The following CD36 variants were observed in gnomAD, a reference collection of about 807,000 sequenced individuals.
CD36 encodes CD36 molecule (CD36 blood group), also known as platelet glycoprotein 4.
A neutral mutation model predicts 55.2 loss-of-function variants in CD36; 119 were observed. The ratio of observed to expected loss-of-function variants is 2.15; its 90% CI spans 1.86 to 2.51. CD36 has a LOEUF of 2.51. CD36 is among the 30% of genes most tolerant of loss of function. The pLI, the probability that CD36 is intolerant of heterozygous loss-of-function variation, is 0.00. For synonymous variants in CD36, 186 were observed against 193.6 expected (o/e 0.96, Z 0.33); for missense variants, 819 against 555.5 (o/e 1.47, Z -4.77).
At chr7:80,642,831 T>A (rs1215713236) in intron 1 of CD36, among the ~76,000 whole-genome samples, 1 of 152,168 alleles carries the variant, frequency 6.6e-6, no homozygotes, top group Non-Finnish European at 1.5e-5. Flanking sequence ...TTAATACTTG[T>A]AATTTTGCTT....
rs1798051324 is a variant in CD36, at chr7:80,674,294, C to T, written c.*147C>T. ...TCATTTTTAAATATAGGTAAATAAA[C>T]CTATAAATATTATCACGCAGATCAC... is the stretch of plus-strand genomic sequence containing the variant. On this transcript the variant is annotated intron_variant, in intron 14 of 14. Transcript: ENST00000447544. The T allele has an allele frequency of 6.5e-6, 4 of 619,638 alleles. No homozygotes were observed. In the East Asian group the frequency reaches 1.1e-4, roughly 17 times the overall value. 38.4% of individuals were successfully genotyped at this position (619,638 alleles called of 1,614,324 possible). A position where few individuals can be genotyped will look rare whatever the true frequency, so the allele number is the denominator to read the frequency against.
chr7:80,661,926 G>A (rs763577056), intron 5 of CD36, among the ~76,000 whole-genome samples: 2 of 152,134 alleles, frequency 1.3e-5, no homozygotes, highest in Admixed American at 6.6e-5. Context: ...CCAACAGGGG[G>A]TGCCGTCCAA....
chr7:80,619,862 A>C (rs1793364257), intron 1 of CD36, among the ~76,000 whole-genome samples: 3 of 152,166 alleles, frequency 2.0e-5, no homozygotes, highest in Admixed American at 6.5e-5. Context: ...GAGGGTTACA[A>C]GACTTCAGAG....
intron 1 of CD36, among the ~76,000 whole-genome samples, chr7:80,606,464 A>G (rs146472015): frequency 3.7e-4 from 57 of 152,316 alleles, no homozygotes; most frequent in East Asian, 3.7e-3. Flanking sequence ...ATATAAACTC[A>G]CAGATGCTGA....
chr7:80,667,283 A>G (rs557559015), intron 8 of CD36, among the ~76,000 whole-genome samples: 42 of 152,204 alleles, frequency 2.8e-4, no homozygotes, highest in African/African-American at 9.9e-4. Context: ...TACAAATATT[A>G]GCTGGGTGTG....
At chr7:80,674,370 A>G in intron 14 of CD36, 1 of 486,640 alleles carries the variant, frequency 2.1e-6, no homozygotes, top group Non-Finnish European at 3.7e-6. Flanking sequence ...TGTACTTGTG[A>G]CCATTGTAAC....
chr7:80,652,003 GATATA>G (rs1424471441), intron 3 of CD36, among the ~76,000 whole-genome samples: 4 of 151,940 alleles, frequency 2.6e-5, no homozygotes, highest in Admixed American at 2.6e-4. Context: ...AGTATTTCCA[GATATA>G]ATAAAATAAT....
At chr7:80,611,613 A>T (rs925619430) in intron 1 of CD36, among the ~76,000 whole-genome samples, 3 of 152,200 alleles carry the variant, frequency 2.0e-5, no homozygotes, top group Non-Finnish European at 2.9e-5. Flanking sequence ...TACCATAGGG[A>T]ACTGACAGTG....
At chr7:80,622,037 CTT>C (rs1793499172) in intron 1 of CD36, among the ~76,000 whole-genome samples, 1 of 152,116 alleles carries the variant, frequency 6.6e-6, no homozygotes, top group South Asian at 2.1e-4. Context: ...TGAGTGGTGT[CTT>C]TGCTTTAACC....
intron 10 of CD36, among the ~76,000 whole-genome samples, chr7:80,671,509 G>A (rs1429915844): frequency 1.3e-5 from 2 of 151,966 alleles, no homozygotes; most frequent in African/African-American, 4.8e-5. Flanking sequence ...ATAATTCCGA[G>A]AACACATTAA....
chr7:80,637,850 T>C (rs1794532649), upstream of CD36, among the ~76,000 whole-genome samples: 1 of 152,014 alleles, frequency 6.6e-6, no homozygotes, highest in South Asian at 2.1e-4. Flanking sequence ...GTCTTGATAG[T>C]GAAGGTTCTT....
rs554530318 is a variant in CD36, at chr7:80,652,805, G to T, written c.121-3735G>T. On this transcript the variant is annotated intron_variant, in intron 3 of 14. Coordinates refer to ENST00000447544, the MANE Select transcript of CD36 (RefSeq NM_001001548.3). ...ATGGTATTAGAGTTCTTCCTCTAAA[G>T]GATGGATAGAATTTGTAAAATACTA... is the stretch of plus-strand genomic sequence containing the variant. Among the ~76,000 whole-genome samples, 313 of 152,262 alleles carry T rather than the reference G, an allele frequency of 2.1e-3. 1 individual carries two copies. Among genetic ancestry groups the T allele is most frequent in the South Asian group, 4.1e-3 (20 of 4,826 alleles).
upstream of CD36, among the ~76,000 whole-genome samples, chr7:80,634,210 G>A (rs1562782488): frequency 6.6e-6 from 1 of 151,970 alleles, no homozygotes; most frequent in Non-Finnish European, 1.5e-5. Context: ...TAATACATGT[G>A]AAATACTTAG....
intron 1 of CD36, among the ~76,000 whole-genome samples, chr7:80,610,905 TC>T (rs1792844931): frequency 7.6e-6 from 1 of 131,656 alleles, no homozygotes; most frequent in African/African-American, 3.8e-5. Context: ...CAGGGTCTGC[TC>T]TCTCTGTCAG....
intron 1 of CD36, among the ~76,000 whole-genome samples, chr7:80,620,549 G>A (rs1793406940): frequency 6.6e-6 from 1 of 152,136 alleles, no homozygotes; most frequent in Admixed American, 6.6e-5. Context: ...GAACCTCCAA[G>A]CATTCAGCTA....
intron 3 of CD36, among the ~76,000 whole-genome samples, chr7:80,655,831 G>A (rs1796004380): frequency 6.6e-6 from 1 of 151,614 alleles, no homozygotes; most frequent in Non-Finnish European, 1.5e-5. Flanking sequence ...ACAGGTGAGA[G>A]GATCACTTGA....
At position 80,646,711 on chromosome 7, in the gene CD36, T is replaced by C; in HGVS notation, c.-30T>C. ...CAGGAGTTTGCAAGAAACAGGTGCT[T>C]AACACTAATTCACCTCCTGAACAAG... is the stretch of plus-strand genomic sequence containing the variant. On this transcript the variant is annotated 5_prime_UTR_variant, in exon 3 of 15. Transcript: ENST00000447544. The C allele has an allele frequency of 6.2e-7, 1 of 1,613,622 alleles. No individual in the cohort carries two copies. Among genetic ancestry groups the C allele is most frequent in the Non-Finnish European group, 8.5e-7 (1 of 1,179,712 alleles).
chr7:80,628,307 T>C (rs1793863868), intron 1 of CD36, among the ~76,000 whole-genome samples: 2 of 152,050 alleles, frequency 1.3e-5, no homozygotes, highest in Non-Finnish European at 2.9e-5. Flanking sequence ...TAATATGTTA[T>C]AGGGAGTTTC....
chr7:80,670,954 A>T, intron 9 of CD36, 23 bp from the exon 10 acceptor site: 1 of 1,564,624 alleles, frequency 6.4e-7, no homozygotes, highest in Non-Finnish European at 8.8e-7. Context: ...CCTGGAATGC[A>T]GCTCTTTTTT....
Sources: gnomAD v4.1 joint callset for allele counts (sites outside exome capture counted in the v4.1 genomes callset) on GRCh38, gnomAD v4.1.1 for gene constraint, MANE v1.5 for transcripts, NCBI Gene and HGNC (gene_info 2026-07-23, HGNC 2026-07-21) for gene names.